Variants in TAFA1 observed in about 807,000 individuals in gnomAD.
TAFA1 encodes the protein TAFA chemokine like family member 1.
TAFA1 carries 4 observed loss-of-function variants against 18.5 expected under a neutral mutation model. That is an observed-to-expected ratio of 0.22 (90% CI 0.11 to 0.49). The LOEUF is 0.49. Among genes scored for constraint, TAFA1 ranks in the 20% least tolerant of loss-of-function variants. The probability of loss-of-function intolerance (pLI) is 0.98; values close to 1 mark genes in which losing one functional copy is unlikely to be tolerated. For synonymous variants in TAFA1, 56 were observed against 55.2 expected, an observed-to-expected ratio of 1.01 and a Z score of -0.06; for missense variants, 147 against 169.0, an observed-to-expected ratio of 0.87 and a Z score of 0.72.
intron 3 of TAFA1, among the ~76,000 whole-genome samples, chr3:68,507,103 A>G (rs2072771458): frequency 6.6e-6 from 1 of 152,082 alleles, no homozygotes; most frequent in East Asian, 1.9e-4. Context: ...CGTGAAATCT[A>G]GACACAGCTT....
chr3:68,302,019 C>T (rs907645858), intron 2 of TAFA1, among the ~76,000 whole-genome samples: 1 of 152,022 alleles, frequency 6.6e-6, no homozygotes, highest in African/African-American at 2.4e-5. Context: ...ATTAATTACT[C>T]ATTTTTATAT....
At chr3:68,150,513 T>C (rs539393208) in intron 2 of TAFA1, among the ~76,000 whole-genome samples, 7 of 152,270 alleles carry the variant, frequency 4.6e-5, no homozygotes, top group Admixed American at 4.6e-4. Flanking sequence ...CATTAAAAAA[T>C]GGATTTTGGA....
At chr3:68,297,611 G>T (rs1183665006) in intron 2 of TAFA1, among the ~76,000 whole-genome samples, 3 of 152,094 alleles carry the variant, frequency 2.0e-5, no homozygotes, top group Non-Finnish European at 4.4e-5. Context: ...CTCTTTTAAT[G>T]ATAGATATTA....
chr3:68,387,122 G>A (rs1490033680), intron 2 of TAFA1, among the ~76,000 whole-genome samples: 2 of 151,490 alleles, frequency 1.3e-5, no homozygotes, highest in Non-Finnish European at 2.9e-5. Flanking sequence ...AGCACAAGAA[G>A]AGTGTGATGG....
At chr3:68,084,450 G>A (rs2064945923) in intron 2 of TAFA1, among the ~76,000 whole-genome samples, 1 of 152,156 alleles carries the variant, frequency 6.6e-6, no homozygotes, top group East Asian at 1.9e-4. Context: ...TCTCTGCCAG[G>A]ATGCTTCCAA....
chr3:68,422,103 A>T (rs2070965555), intron 3 of TAFA1, among the ~76,000 whole-genome samples: 1 of 152,134 alleles, frequency 6.6e-6, no homozygotes, highest in African/African-American at 2.4e-5. Flanking sequence ...CTAAAAAGCA[A>T]ACTCACATTG....
intron 2 of TAFA1, among the ~76,000 whole-genome samples, chr3:68,250,371 T>G (rs2107160199): frequency 6.6e-6 from 1 of 152,318 alleles, no homozygotes; most frequent in East Asian, 1.9e-4. Context: ...AAGACATACT[T>G]GCTCATAGTA....
At chr3:68,340,217 G>A (rs2069057007) in intron 2 of TAFA1, among the ~76,000 whole-genome samples, 1 of 152,132 alleles carries the variant, frequency 6.6e-6, no homozygotes, top group African/African-American at 2.4e-5. Flanking sequence ...CCTATCATTT[G>A]TTACCTGTTC....
chr3:68,425,185 T>G (rs1452356598), intron 3 of TAFA1, among the ~76,000 whole-genome samples: 1 of 151,922 alleles, frequency 6.6e-6, no homozygotes, highest in African/African-American at 2.4e-5. Flanking sequence ...TTAAACGTTT[T>G]TGGGGACAGA....
intron 2 of TAFA1, among the ~76,000 whole-genome samples, chr3:68,259,155 T>C (rs2067357660): frequency 6.6e-6 from 1 of 152,180 alleles, no homozygotes; most frequent in Non-Finnish European, 1.5e-5. Flanking sequence ...TGGGACTGCA[T>C]TTTGAATGGA....
chr3:68,341,580 GT>G (rs34310959), intron 2 of TAFA1, among the ~76,000 whole-genome samples: 2 of 152,064 alleles, frequency 1.3e-5, no homozygotes, highest in East Asian at 1.9e-4. Flanking sequence ...AAAGAAGGGT[GT>G]TTTTTTCTGG....
chr3:68,146,017 A>T (rs1006994780), intron 2 of TAFA1, among the ~76,000 whole-genome samples: 1 of 152,150 alleles, frequency 6.6e-6, no homozygotes, highest in African/African-American at 2.4e-5. Flanking sequence ...CCTGGATTTT[A>T]TCAGTTTTTT....
intron 2 of TAFA1, among the ~76,000 whole-genome samples, chr3:68,187,640 G>C (rs1330781873): frequency 6.6e-6 from 1 of 151,956 alleles, no homozygotes; most frequent in Non-Finnish European, 1.5e-5. Flanking sequence ...TATGTGTTTT[G>C]GGAGCATGTG....
intron 2 of TAFA1, among the ~76,000 whole-genome samples, chr3:68,269,562 T>C (rs2067620429): frequency 6.6e-6 from 1 of 152,200 alleles, no homozygotes; most frequent in Non-Finnish European, 1.5e-5. Context: ...CTGATGCTAC[T>C]GACACCAGGG....
At chr3:68,005,467 G>T (rs2106765689) in intron 1 of TAFA1, among the ~76,000 whole-genome samples, 1 of 152,230 alleles carries the variant, frequency 6.6e-6, no homozygotes, top group East Asian at 1.9e-4. Flanking sequence ...CCACAAATTA[G>T]CGTGCATTAT....
At chr3:68,171,995 A>T (rs1235103250) in intron 2 of TAFA1, among the ~76,000 whole-genome samples, 1 of 152,142 alleles carries the variant, frequency 6.6e-6, no homozygotes, top group East Asian at 1.9e-4. Flanking sequence ...TATATAGATG[A>T]TTGAGTCTAG....
chr3:68,501,609 G>A (rs1026531189), intron 3 of TAFA1, among the ~76,000 whole-genome samples: 2 of 152,066 alleles, frequency 1.3e-5, no homozygotes, highest in Non-Finnish European at 2.9e-5. Flanking sequence ...TGCTAAATGC[G>A]GGAACCACAA....
At chr3:68,084,086 G>T (rs2064941336) in intron 2 of TAFA1, among the ~76,000 whole-genome samples, 2 of 152,074 alleles carry the variant, frequency 1.3e-5, no homozygotes, top group South Asian at 4.1e-4. Flanking sequence ...AATTGGCTGG[G>T]TACCCTCAGT....
At chr3:68,432,306 G>C (rs776400973) in intron 3 of TAFA1, among the ~76,000 whole-genome samples, 18 of 151,952 alleles carry the variant, frequency 1.2e-4, no homozygotes, top group Non-Finnish European at 2.4e-4. Context: ...GAAATGAAAA[G>C]AATATAGCAT....
Sources: gnomAD v4.1 joint callset for allele counts (sites outside exome capture counted in the v4.1 genomes callset) on GRCh38, gnomAD v4.1.1 for gene constraint, MANE v1.5 for transcripts, NCBI Gene and HGNC (gene_info 2026-07-23, HGNC 2026-07-21) for gene names.